The following GLI2 variants were observed in gnomAD, a reference collection of about 807,000 sequenced individuals.
GLI2 encodes GLI family zinc finger 2.
A neutral mutation model predicts 78.9 loss-of-function variants in GLI2; 22 were observed. The observed-to-expected ratio is 0.28, with a 90% CI of 0.20 to 0.40. The LOEUF (loss-of-function observed/expected upper bound fraction) is 0.40. GLI2 is among the 10% of genes least tolerant of loss of function. The pLI is 1.00. For missense variants in GLI2, 2,097 were observed against 2,213.2 expected, an observed-to-expected ratio of 0.95 and a Z score of 1.05; for synonymous variants, 974 against 963.7, an observed-to-expected ratio of 1.01 and a Z score of -0.20.
intron 2 of GLI2, among the ~76,000 whole-genome samples, chr2:120,833,573 C>T (rs1686469158): frequency 1.3e-5 from 2 of 152,180 alleles, no homozygotes; most frequent in South Asian, 4.1e-4. Context: ...CCTCATCCCC[C>T]AACCTTGGAT....
chr2:120,889,363 C>T (rs1677569775), intron 2 of GLI2, among the ~76,000 whole-genome samples: 5 of 152,198 alleles, frequency 3.3e-5, no homozygotes, highest in Admixed American at 3.3e-4. Flanking sequence ...CTTTCCAGTT[C>T]AGACAGTCAG....
intron 6 of GLI2, among the ~76,000 whole-genome samples, 175 bp downstream of exon 6, chr2:120,969,090 A>T (rs1682010904): frequency 6.6e-6 from 1 of 152,254 alleles, no homozygotes; most frequent in Non-Finnish European, 1.5e-5. Flanking sequence ...TAATGATCAA[A>T]TTGAAATGAG....
At chr2:120,946,052 G>A (rs528598074) in intron 3 of GLI2, among the ~76,000 whole-genome samples, 12 of 151,186 alleles carry the variant, frequency 7.9e-5, no homozygotes, top group African/African-American at 2.2e-4. Context: ...GCACTACCTC[G>A]TGAACTCCTA....
At chr2:120,970,164 A>G (rs1205027559) in intron 6 of GLI2, among the ~76,000 whole-genome samples, 1 of 152,124 alleles carries the variant, frequency 6.6e-6, no homozygotes, top group African/African-American at 2.4e-5. Flanking sequence ...CCAGCCTGCC[A>G]GGGGTGAAGT....
intron 2 of GLI2, among the ~76,000 whole-genome samples, chr2:120,845,716 G>A (rs1426239568): frequency 6.6e-6 from 1 of 152,172 alleles, no homozygotes; most frequent in Admixed American, 6.5e-5. Flanking sequence ...TGGAATCATG[G>A]GATGGGGTGG....
In GLI2 at chr2:120,899,406, T is replaced by TAC. The variant is rs71398006; in HGVS notation, c.149-27933_149-27932dup. Among the ~76,000 whole-genome samples the TAC allele has an allele frequency of 7.2e-3, 1,053 of 146,554 alleles. 6 individuals carry two copies. Among genetic ancestry groups the TAC allele is most frequent in the African/African-American group, 0.02 (751 of 38,174 alleles). The stretch of plus-strand genomic sequence containing the variant: ...ATACACACTTGTGTGTACACACACA[T>TAC]ACACACACACACACACACACACATA... On this transcript the variant is annotated intron_variant, in intron 2 of 13. Transcript: ENST00000361492.
chr2:120,980,534 C>A (rs1056595798), intron 10 of GLI2, among the ~76,000 whole-genome samples: 15 of 152,188 alleles, frequency 9.9e-5, no homozygotes, highest in African/African-American at 2.7e-4. Context: ...GGTTACTAGA[C>A]CCTTGTCAGA....
chr2:120,826,760 C>T (rs537301452), intron 2 of GLI2, among the ~76,000 whole-genome samples: 2 of 152,178 alleles, frequency 1.3e-5, no homozygotes, highest in Admixed American at 6.5e-5. Context: ...CCAGGCCTTT[C>T]GGGAATGATT....
chr2:120,935,232 C>T (rs534803728), intron 3 of GLI2, among the ~76,000 whole-genome samples: 3 of 152,326 alleles, frequency 2.0e-5, no homozygotes, highest in African/African-American at 7.2e-5. Context: ...GGCAACTTGT[C>T]CTTCCTTTCC....
chr2:120,873,067 C>T (rs571724582), intron 2 of GLI2, among the ~76,000 whole-genome samples: 1 of 152,200 alleles, frequency 6.6e-6, no homozygotes, highest in Non-Finnish European at 1.5e-5. Context: ...ACACACATAC[C>T]TGCCTGCTTT....
intron 1 of GLI2, among the ~76,000 whole-genome samples, chr2:120,796,683 C>T (rs554130888): frequency 7.9e-4 from 121 of 152,316 alleles, no homozygotes; most frequent in African/African-American, 2.7e-3. Flanking sequence ...ATTTATTTTC[C>T]CCTTGTTTGC....
rs1175235917 is a variant in GLI2, at chr2:120,986,266, C to T, written c.1906-12C>T. On this transcript the variant is annotated splice_polypyrimidine_tract_variant and intron_variant, in intron 12 of 13. Transcript: ENST00000361492. ...CCTCTGAGTCTGAGCCTTCTTGCCT[C>T]GTCCCCTGCAGCTGTGTCAGTCCAG... 7.4e-6 allele frequency: 12 copies of T among 1,611,142 alleles called. No individual in the cohort carries two copies. Among genetic ancestry groups the T allele is most frequent in the Admixed American group, 1.7e-5 (1 of 60,016 alleles).
intron 2 of GLI2, among the ~76,000 whole-genome samples, chr2:120,885,537 A>G (rs955863176): frequency 1.3e-5 from 2 of 152,056 alleles, no homozygotes; most frequent in Non-Finnish European, 2.9e-5. Flanking sequence ...GACTGATCCC[A>G]TGTTCATCTC....
At chr2:120,963,721 C>G (rs1218677647) in intron 5 of GLI2, among the ~76,000 whole-genome samples, 1 of 152,268 alleles carries the variant, frequency 6.6e-6, no homozygotes, top group Admixed American at 6.5e-5. Flanking sequence ...CCTCTGCACC[C>G]TGGGCATAGG....
In GLI2 at chr2:120,874,314, A is replaced by C. The variant is rs576637333; in HGVS notation, c.149-53047A>C. Among the ~76,000 whole-genome samples the C allele has an allele frequency of 8.5e-5, 13 of 152,348 alleles. No homozygotes were observed. The East Asian group carries it at 1.9e-3, about 23-fold the overall frequency. ...ATGAAACTTTATTTTCCAAAGAGAA[A>C]AATTTCTGGGCCTGTAGCAAGAGGG... On this transcript the variant is annotated intron_variant, in intron 2 of 13. Transcript: ENST00000361492.
intron 2 of GLI2, among the ~76,000 whole-genome samples, chr2:120,817,505 C>T (rs1478153197): frequency 6.6e-6 from 1 of 152,310 alleles, no homozygotes; most frequent in African/African-American, 2.4e-5. Flanking sequence ...GTCTCATCAC[C>T]GCTCCGCCTC....
rs565000719 is a variant in GLI2 at position 120,790,529 on chromosome 2, G to A, written c.-30-6762G>A. ...TCCCTGGCTGGAGTGGTGGAAGAGGGACCAGCGCAGGTAGGAGCTTGCGGT... is the reference window on the plus strand; with the variant it reads ...TCCCTGGCTGGAGTGGTGGAAGAGGAACCAGCGCAGGTAGGAGCTTGCGGT... On this transcript the variant is annotated intron_variant, in intron 1 of 13. Transcript: ENST00000361492. Among the ~76,000 whole-genome samples the A allele has an allele frequency of 9.8e-5, 15 of 152,314 alleles. No homozygotes were observed. In the South Asian group the frequency reaches 1.9e-3, roughly 19 times the overall value.
At chr2:120,952,869 TGATG>T (rs1681065014) in intron 4 of GLI2, among the ~76,000 whole-genome samples, 2 of 152,204 alleles carry the variant, frequency 1.3e-5, no homozygotes, top group African/African-American at 4.8e-5. Flanking sequence ...GCCCAGCCCA[TGATG>T]GGCTGACCAA....
At chr2:120,771,146 T>C (rs1024384213) in intron 1 of GLI2, among the ~76,000 whole-genome samples, 1 of 152,230 alleles carries the variant, frequency 6.6e-6, no homozygotes, top group Non-Finnish European at 1.5e-5. Flanking sequence ...GTCCTGGCTT[T>C]GCAGGATCTC....
Sources: gnomAD v4.1 joint callset for allele counts (sites outside exome capture counted in the v4.1 genomes callset) on GRCh38, gnomAD v4.1.1 for gene constraint, MANE v1.5 for transcripts, NCBI Gene and HGNC (gene_info 2026-07-23, HGNC 2026-07-21) for gene names.